The following KIF13A variants were observed in gnomAD, a reference collection of about 807,000 sequenced individuals.
The protein encoded by KIF13A is kinesin family member 13A.
KIF13A carries 79 observed loss-of-function variants against 212.2 expected under a neutral mutation model. The observed-to-expected ratio is 0.37, with a 90% CI of 0.31 to 0.45. The LOEUF is 0.45. Among genes scored for constraint, KIF13A ranks in the 20% least tolerant of loss-of-function variants. KIF13A has a pLI of 1.00. For synonymous variants in KIF13A, 789 were observed against 808.6 expected (o/e 0.98, Z 0.41); for missense variants, 1,901 against 2,209.0 (o/e 0.86, Z 2.79).
rs1277131713 is a variant in KIF13A at position 17,828,671 on chromosome 6, A to C, written c.1402-301T>G. On this transcript the variant is annotated intron_variant, in intron 13 of 38. Coordinates refer to ENST00000259711, the MANE Select transcript of KIF13A (RefSeq NM_022113.6). This position sits in a 1 kb window ranked among gnomAD's most constrained non-coding sequence, Gnocchi z 4.3. The stretch of plus-strand genomic sequence containing the variant: ...TTTGAGTTTCAATTGTGACTTGACC[A>C]CGGGGAAGCCATTTCACTCTCTGAG... 6.6e-6 allele frequency among the ~76,000 whole-genome samples: 1 copy of C among 152,162 alleles called. No individual in the cohort carries two copies. The highest frequency in any genetic ancestry group is 2.4e-5 in the African/African-American group (1 of 41,428).
In KIF13A at chr6:17,780,923, G is replaced by T; in HGVS notation, c.3670-17C>A. On this transcript the variant is annotated splice_polypyrimidine_tract_variant and intron_variant, in intron 30 of 38. Coordinates refer to ENST00000259711, the MANE Select transcript of KIF13A (RefSeq NM_022113.6). Reference sequence around the variant, plus strand: ...GGCTGAAACCTAGGAGTTGGGGAATGATGAGGAGATGGAAACAAGACAAAA... The same window carrying T: ...GGCTGAAACCTAGGAGTTGGGGAATTATGAGGAGATGGAAACAAGACAAAA... The T allele has an allele frequency of 6.2e-7, 1 of 1,606,948 alleles. No homozygotes were observed. The highest frequency in any genetic ancestry group is 8.5e-7 in the Non-Finnish European group (1 of 1,174,746).
rs1472875420 is a variant in KIF13A, at chr6:17,839,543, A to C, written c.831-1960T>G. On this transcript the variant is annotated intron_variant, in intron 9 of 38. Transcript: ENST00000259711. This position sits in a 1 kb window ranked among gnomAD's most constrained non-coding sequence, Gnocchi z 4.3. The stretch of plus-strand genomic sequence containing the variant: ...CTGGCAAATTATTTTACGTGAAAGA[A>C]GCCAAACACAAAAGGCCATTGTCCT... 1.3e-5 allele frequency among the ~76,000 whole-genome samples: 2 copies of C among 152,222 alleles called. No individual in the cohort carries two copies. Among genetic ancestry groups the C allele is most frequent in the East Asian group, 3.8e-4 (2 of 5,200 alleles).
Position 17,785,569 on chromosome 6 carries a change from T to C in KIF13A, c.3434A>G (p.Asn1145Ser). 6.2e-7 allele frequency: 1 copy of C among 1,603,832 alleles called. No individual in the cohort carries two copies. Among genetic ancestry groups the C allele is most frequent in the Non-Finnish European group, 8.5e-7 (1 of 1,175,644 alleles). Residue 1145 changes from asparagine to serine, a missense_variant, in exon 28 of 39, where the codon AAT becomes AGT. By Grantham distance (46) the Asn-to-Ser change is conservative. Transcript: ENST00000259711. The surrounding 1 kb of genome is among the most constrained non-coding windows in gnomAD (Gnocchi z 5.8). Reference protein sequence around the residue: ...EQWVGLTEERNAVLVPAPGSG... With the variant: ...EQWVGLTEERSAVLVPAPGSG... ...GCCTGGGGCTGGCACCAGCACAGCA[T>C]TCCTTTCCTCAGTCAGCCCTACCCA...
intron 22 of KIF13A, among the ~76,000 whole-genome samples, chr6:17,797,154 C>G (rs1039677220): frequency 2.0e-5 from 3 of 151,986 alleles, no homozygotes; most frequent in African/African-American, 4.8e-5. Flanking sequence ...CTCAGCCTCC[C>G]GAGTAGCTGG....
At chr6:17,964,888 T>C (rs935457577) in intron 2 of KIF13A, among the ~76,000 whole-genome samples, 2 of 151,322 alleles carry the variant, frequency 1.3e-5, no homozygotes, top group African/African-American at 4.9e-5. Context: ...AGTGGTGTGA[T>C]CTCGGCCCAA....
chr6:17,885,290 G>A (rs958958822), intron 3 of KIF13A, among the ~76,000 whole-genome samples: 2 of 152,142 alleles, frequency 1.3e-5, no homozygotes, highest in Middle Eastern at 3.2e-3. Flanking sequence ...ATCTCCTAAG[G>A]AATGCTAGAG....
chr6:17,966,959 C>A (rs919953338), intron 2 of KIF13A, among the ~76,000 whole-genome samples: 1 of 152,206 alleles, frequency 6.6e-6, no homozygotes, highest in African/African-American at 2.4e-5. Context: ...GGAACCTGGA[C>A]TCCAGAGGTA....
chr6:17,788,540 C>T (rs1761252715), intron 26 of KIF13A, among the ~76,000 whole-genome samples: 1 of 152,192 alleles, frequency 6.6e-6, no homozygotes, highest in African/African-American at 2.4e-5. Context: ...AATGGCATTG[C>T]TGAGATTCAA....
intron 2 of KIF13A, among the ~76,000 whole-genome samples, chr6:17,943,400 A>ATTTT (rs11311833): frequency 2.3e-5 from 3 of 132,288 alleles, no homozygotes; most frequent in Non-Finnish European, 3.2e-5. Flanking sequence ...TAAAACACAG[A>ATTTT]TTTTTTTTTT....
At chr6:17,924,690 G>A (rs1253673267) in intron 2 of KIF13A, among the ~76,000 whole-genome samples, 2 of 152,100 alleles carry the variant, frequency 1.3e-5, no homozygotes, top group Non-Finnish European at 2.9e-5. Context: ...TAGGAAGGAC[G>A]GCATGATAAG....
intron 2 of KIF13A, among the ~76,000 whole-genome samples, chr6:17,985,292 T>C (rs1781444398): frequency 6.6e-6 from 1 of 152,142 alleles, no homozygotes; most frequent in Non-Finnish European, 1.5e-5. Context: ...CTTCAAATCT[T>C]TACCTAAAAG....
chr6:17,970,349 C>A (rs1779707173), intron 2 of KIF13A, among the ~76,000 whole-genome samples: 1 of 137,758 alleles, frequency 7.3e-6, no homozygotes, highest in African/African-American at 2.8e-5. Context: ...TGCCTGTAAT[C>A]CCAAAATTTT....
chr6:17,974,924 G>C (rs1378568085), intron 2 of KIF13A, among the ~76,000 whole-genome samples: 1 of 152,208 alleles, frequency 6.6e-6, no homozygotes, highest in East Asian at 1.9e-4. Context: ...TACCACATTG[G>C]ACAGTGAAGA....
chr6:17,873,611 T>C (rs924525608), intron 3 of KIF13A, among the ~76,000 whole-genome samples, 174 bp from the exon 4 acceptor site: 6 of 152,200 alleles, frequency 3.9e-5, no homozygotes, highest in Non-Finnish European at 7.3e-5. Context: ...TTTCCTCTTT[T>C]TTGGGGGACA....
downstream of KIF13A, chr6:17,759,732 T>C (rs565436543): frequency 1.3e-5 from 2 of 152,292 alleles, no homozygotes; most frequent in Admixed American, 1.3e-4. Flanking sequence ...CCATTGAACT[T>C]CATAGCTCAG....
downstream of KIF13A, chr6:17,760,954 C>T: frequency 6.9e-7 from 1 of 1,440,898 alleles, no homozygotes. Flanking sequence ...ACTCTCAGCC[C>T]AGTCCACACC....
At position 17,764,827 on chromosome 6, in the gene KIF13A, C is replaced by G. The variant is rs1172267769; in HGVS notation, c.4701G>C (p.Arg1567Ser). 1.2e-6 allele frequency: 2 copies of G among 1,613,608 alleles called. No homozygotes were observed. The highest frequency in any genetic ancestry group is 2.7e-5 in the African/African-American group (2 of 74,920). The change falls in exon 39 of 39, where the codon AGG becomes AGC. Residue 1567 changes from arginine to serine, a missense_variant. Physicochemically the swap from Arg to Ser is moderately radical, Grantham distance 110 (BLOSUM62 -1). Around this residue, in one of 5 missense-constraint regions of KIF13A, gnomAD observed 687 missense variants for 759.1 expected, o/e 0.90. Coordinates refer to ENST00000259711, the MANE Select transcript of KIF13A (RefSeq NM_022113.6). This position sits in a 1 kb window ranked among gnomAD's most constrained non-coding sequence, Gnocchi z 5.1. ...FSVYNASLEN[R>S]EWFSSKVDLS... is the part of the protein sequence containing the mutation. ...GATCTACTTTAGAGGAAAACCATTC[C>G]CTGTTCTCCAAGCTGGCATTGTAAA...
At position 17,768,523 on chromosome 6, in the gene KIF13A, G is replaced by A. The variant is rs1420256650; in HGVS notation, c.4581+2591C>T. Among the ~76,000 whole-genome samples, 1 of 152,206 alleles carries A rather than the reference G, an allele frequency of 6.6e-6. No individual in the cohort carries two copies. Among genetic ancestry groups the A allele is most frequent in the African/African-American group, 2.4e-5 (1 of 41,446 alleles). ...AGAACTGCACCAGCCAAGGGCTCCA[G>A]TACTTCTGTCCATGGTACTGAGGAG... On this transcript the variant is annotated intron_variant, in intron 38 of 38. Coordinates refer to ENST00000259711, the MANE Select transcript of KIF13A (RefSeq NM_022113.6). This position sits in a 1 kb window ranked among gnomAD's most constrained non-coding sequence, Gnocchi z 5.4.
At position 17,862,527 on chromosome 6, in the gene KIF13A, G is replaced by C. The variant is rs376994444; in HGVS notation, c.221-6405C>G. Among the ~76,000 whole-genome samples, 7 of 152,168 alleles carry C rather than the reference G, an allele frequency of 4.6e-5. No individual in the cohort carries two copies. In the East Asian group the frequency reaches 1.2e-3, roughly 25 times the overall value. Reference sequence around the variant, plus strand: ...TCAAAGATAAAAGGAAAAAGGTCAGGTGTGGTGGCTCATGCCTGCAATCCC... The same window carrying C: ...TCAAAGATAAAAGGAAAAAGGTCAGCTGTGGTGGCTCATGCCTGCAATCCC... On this transcript the variant is annotated intron_variant, in intron 4 of 38. Transcript: ENST00000259711.
Sources: allele counts gnomAD v4.1 joint callset (sites outside exome capture counted in the v4.1 genomes callset), GRCh38; gene constraint gnomAD v4.1.1; regional missense constraint gnomAD v4.1.1; non-coding constraint Gnocchi (gnomAD v3.1); transcripts MANE v1.5; gene names NCBI Gene and HGNC (gene_info 2026-07-23, HGNC 2026-07-21).